ODAD2: variants seen among roughly 807,000 people sequenced by gnomAD.
ODAD2 encodes outer dynein arm-docking complex subunit 2.
In ODAD2, 89 loss-of-function variants were observed where a neutral mutation model predicts 106.8. The observed-to-expected ratio is 0.83, with a 90% CI of 0.70 to 0.99. The LOEUF (loss-of-function observed/expected upper bound fraction) is 0.99, where lower values mean the gene tolerates loss of function less well. ODAD2 is among the 50% of genes least tolerant of loss of function. The pLI is 0.00. For missense variants in ODAD2, 1,168 were observed against 1,238.5 expected (o/e 0.94, Z 0.85); for synonymous variants, 404 against 436.2 (o/e 0.93, Z 0.92).
At chr10:27,952,213 T>C (rs79221009) in intron 10 of ODAD2, among the ~76,000 whole-genome samples, 6,540 of 151,350 alleles carry the variant, frequency 0.043, 471 homozygotes, top group African/African-American at 0.15. Context: ...CATAATACAA[T>C]GGCTATTTGA....
At chr10:27,904,314 C>A in intron 17 of ODAD2, 1 of 345,650 alleles carries the variant, frequency 2.9e-6, no homozygotes, top group Non-Finnish European at 5.9e-6. Context: ...TGTGTATGCG[C>A]GGGGAACATG....
chr10:27,819,102 C>G (rs1012718498), intron 19 of ODAD2, among the ~76,000 whole-genome samples: 39 of 152,170 alleles, frequency 2.6e-4, no homozygotes, highest in Non-Finnish European at 5.6e-4. Context: ...CCTTTCTTTA[C>G]GTCCTTTGAT....
intron 10 of ODAD2, among the ~76,000 whole-genome samples, chr10:27,952,805 G>A (rs1287970188): frequency 6.6e-6 from 1 of 152,114 alleles, no homozygotes; most frequent in Non-Finnish European, 1.5e-5. Flanking sequence ...AAAACTATTG[G>A]TATGTTACTG....
intron 19 of ODAD2, among the ~76,000 whole-genome samples, chr10:27,847,370 A>C (rs900751282): frequency 1.3e-5 from 2 of 152,242 alleles, no homozygotes; most frequent in African/African-American, 4.8e-5. Context: ...ACAAAATTCA[A>C]CAGCACTTCA....
At position 27,987,506 on chromosome 10, in the gene ODAD2, C is replaced by G; in HGVS notation, c.262G>C (p.Gly88Arg). The change falls in exon 3 of 20, where the codon GGA (glycine) becomes CGA (arginine). Residue 88 changes from glycine (G) to arginine (R), a missense_variant. Around this residue, in one of 3 missense-constraint regions of ODAD2, gnomAD observed 430 missense variants for 452.2 expected, o/e 0.95. Coordinates refer to ENST00000305242, the MANE Select transcript of ODAD2 (RefSeq NM_018076.5). The stretch of plus-strand genomic sequence containing the variant: ...ACAGAGAGAAATAGCAAAGGCTGTC[C>G]ATTTTTATCAACTTCTTCTGATTTG... ...TVKSEEVDKN[G>R]QPLLFLSVPQ... 6.2e-7 allele frequency: 1 copy of G among 1,612,046 alleles called. No homozygotes were observed. Among genetic ancestry groups the G allele is most frequent in the Non-Finnish European group, 8.5e-7 (1 of 1,179,338 alleles).
chr10:27,948,753 C>T (rs1321877849), intron 10 of ODAD2, among the ~76,000 whole-genome samples: 1 of 142,572 alleles, frequency 7.0e-6, no homozygotes, highest in East Asian at 2.1e-4. Flanking sequence ...TCTTTTCAAA[C>T]ATCTCCAGGC....
intron 16 of ODAD2, among the ~76,000 whole-genome samples, chr10:27,908,000 T>C (rs933274194): frequency 9.2e-5 from 14 of 152,194 alleles, no homozygotes; most frequent in African/African-American, 3.1e-4. Flanking sequence ...AGCTGCTTGA[T>C]GATTACGATT....
intron 2 of ODAD2, among the ~76,000 whole-genome samples, chr10:27,989,262 G>A (rs762803227): frequency 2.0e-5 from 3 of 152,146 alleles, no homozygotes; most frequent in Non-Finnish European, 1.5e-5. Flanking sequence ...TTATGAGTCC[G>A]ATTCTGCTGG....
chr10:27,812,728 A>G (rs1047853802), intron 19 of ODAD2, 103 bp from the exon 20 acceptor site: 5 of 1,401,408 alleles, frequency 3.6e-6, no homozygotes, highest in Non-Finnish European at 4.6e-6. Flanking sequence ...AAATTTTTTT[A>G]AAACCACCAA....
At chr10:27,897,729 A>G (rs1449621462) in intron 17 of ODAD2, among the ~76,000 whole-genome samples, 2 of 152,136 alleles carry the variant, frequency 1.3e-5, no homozygotes, top group African/African-American at 4.8e-5. Flanking sequence ...GTTCCTGGTG[A>G]GAGATGTGAT....
At chr10:27,998,899 G>A (rs1211910227) in intron 1 of ODAD2, 95 bp downstream of exon 1, 1 of 153,128 alleles carries the variant, frequency 6.5e-6, no homozygotes, top group African/African-American at 2.4e-5. Context: ...CGCCCTTGTG[G>A]GAGGCCTACA....
rs61548333 is a variant in ODAD2 at position 27,852,960 on chromosome 10, C to CA, written c.3021+7664dup. The stretch of plus-strand genomic sequence containing the variant: ...TGGGTGACAGAACGAGACACAGTCT[C>CA]AAAAAAAAAAAAAAAAAAAAGAAAA... On this transcript the variant is annotated intron_variant, in intron 19 of 19. Transcript: ENST00000305242. Among the ~76,000 whole-genome samples the CA allele has an allele frequency of 7.9e-3, 665 of 84,452 alleles. 5 individuals are homozygous for CA. The highest frequency in any genetic ancestry group is 9.7e-3 in the Non-Finnish European group (412 of 42,512). 55.4% of individuals were successfully genotyped at this position (84,452 alleles called of 152,430 possible).
chr10:27,812,727 T>A (rs1835838508), intron 19 of ODAD2, 102 bp from the exon 20 acceptor site: 6 of 1,408,918 alleles, frequency 4.3e-6, no homozygotes, highest in African/African-American at 3.0e-5. Flanking sequence ...TAAATTTTTT[T>A]AAAACCACCA....
chr10:27,877,677 T>A (rs963503357), intron 17 of ODAD2, among the ~76,000 whole-genome samples: 4 of 152,182 alleles, frequency 2.6e-5, no homozygotes, highest in African/African-American at 9.7e-5. Flanking sequence ...CTGGGCAAAT[T>A]CACCACATTT....
intron 19 of ODAD2, among the ~76,000 whole-genome samples, chr10:27,841,284 T>C (rs1343080412): frequency 6.6e-6 from 1 of 152,220 alleles, no homozygotes; most frequent in Non-Finnish European, 1.5e-5. Flanking sequence ...ATTCTTCCTG[T>C]TCCCTTAATC....
chr10:27,862,669 T>C, intron 17 of ODAD2, 47 bp from the exon 18 acceptor site: 1 of 1,440,556 alleles, frequency 6.9e-7, no homozygotes, highest in Non-Finnish European at 9.3e-7. Context: ...AAACCTACAT[T>C]TAGGCATTTT....
At chr10:27,921,609 T>TA (rs1491471525) in intron 16 of ODAD2, among the ~76,000 whole-genome samples, 9 of 151,358 alleles carry the variant, frequency 5.9e-5, no homozygotes, top group South Asian at 4.2e-4. Context: ...GATTTTTTTT[T>TA]AAAAAAAGGA....
At chr10:27,944,465 T>C (rs1846724447) in intron 11 of ODAD2, 34 bp from the exon 12 acceptor site, 2 of 1,565,646 alleles carry the variant, frequency 1.3e-6, no homozygotes, top group East Asian at 2.2e-5. Context: ...GTGGCGAATA[T>C]GTAACCCGTG....
chr10:27,958,573 C>G (rs1847892244), intron 10 of ODAD2, among the ~76,000 whole-genome samples: 1 of 152,146 alleles, frequency 6.6e-6, no homozygotes, highest in South Asian at 2.1e-4. Context: ...TACTTCCCCC[C>G]TTTTATTGGT....
Sources: allele counts gnomAD v4.1 joint callset (sites outside exome capture counted in the v4.1 genomes callset), GRCh38; gene constraint gnomAD v4.1.1; regional missense constraint gnomAD v4.1.1; transcripts MANE v1.5; gene names NCBI Gene and HGNC (gene_info 2026-07-23, HGNC 2026-07-21).